Variants in CSMD1 observed in about 807,000 individuals in gnomAD.
CSMD1 encodes CUB and Sushi multiple domains 1.
In CSMD1, 213 loss-of-function variants were observed where a neutral mutation model predicts 417.5. That is an observed-to-expected ratio of 0.51 (90% CI 0.46 to 0.57). CSMD1 has a LOEUF of 0.57. CSMD1 is among the 20% of genes least tolerant of loss of function. The probability of loss-of-function intolerance (pLI) is 0.00; values close to 1 mark genes in which losing one functional copy is unlikely to be tolerated. For missense variants in CSMD1, 6,923 were observed against 4,529.7 expected (o/e 1.53, Z -15.17); for synonymous variants, 2,862 against 1,736.8 (o/e 1.65, Z -16.11).
intron 2 of CSMD1, among the ~76,000 whole-genome samples, chr8:4,442,923 G>A (rs777744330): frequency 9.2e-5 from 14 of 152,078 alleles, no homozygotes; most frequent in Non-Finnish European, 1.3e-4. Flanking sequence ...AAACATAAAT[G>A]ATATTTGTCC....
chr8:3,975,477 G>C (rs906571448), intron 5 of CSMD1, among the ~76,000 whole-genome samples: 29 of 152,070 alleles, frequency 1.9e-4, no homozygotes, highest in South Asian at 2.1e-4. Flanking sequence ...TCACAGTGGA[G>C]TGACACTGTC....
chr8:4,721,424 C>T (rs538264576), intron 1 of CSMD1, among the ~76,000 whole-genome samples: 3 of 152,258 alleles, frequency 2.0e-5, no homozygotes, highest in East Asian at 3.9e-4. Context: ...TACTACAAAT[C>T]AGATTCTGAA....
At chr8:4,360,007 T>C (rs1801659965) in intron 3 of CSMD1, among the ~76,000 whole-genome samples, 1 of 152,224 alleles carries the variant, frequency 6.6e-6, no homozygotes, top group African/African-American at 2.4e-5. Context: ...ATCCCAGTTG[T>C]GGAGTTCCAG....
intron 1 of CSMD1, among the ~76,000 whole-genome samples, chr8:4,654,664 G>A (rs1301604801): frequency 6.6e-6 from 1 of 152,064 alleles, no homozygotes; most frequent in Admixed American, 6.5e-5. Flanking sequence ...ATAAGTTTTG[G>A]ATTTGTTGGG....
intron 57 of CSMD1, among the ~76,000 whole-genome samples, chr8:2,968,642 T>C (rs993688322): frequency 6.6e-6 from 1 of 152,128 alleles, no homozygotes; most frequent in Non-Finnish European, 1.5e-5. Flanking sequence ...TGAAAATGAC[T>C]AGAAGGCAAT....
intron 2 of CSMD1, among the ~76,000 whole-genome samples, chr8:4,618,203 C>A (rs1481248658): frequency 2.6e-5 from 4 of 152,084 alleles, no homozygotes; most frequent in African/African-American, 9.7e-5. Context: ...AACAATTTCC[C>A]CCATCTGGAA....
At chr8:3,596,934 C>T (rs1419588544) in intron 8 of CSMD1, among the ~76,000 whole-genome samples, 2 of 152,182 alleles carry the variant, frequency 1.3e-5, no homozygotes. Context: ...TTTCCAAGTG[C>T]CCCTCTTAGC....
intron 7 of CSMD1, among the ~76,000 whole-genome samples, chr8:3,647,437 C>T (rs991734357): frequency 5.9e-5 from 9 of 151,966 alleles, no homozygotes; most frequent in African/African-American, 1.9e-4. Flanking sequence ...AAGAGAAATA[C>T]AGTACATAGA....
chr8:4,880,196 A>G (rs1051208370), intron 1 of CSMD1, among the ~76,000 whole-genome samples: 75 of 152,108 alleles, frequency 4.9e-4, no homozygotes, highest in African/African-American at 1.7e-3. Context: ...GGAGAGAGTT[A>G]AGGGAAGAAC....
At chr8:4,691,652 T>C (rs549831339) in intron 1 of CSMD1, among the ~76,000 whole-genome samples, 1 of 152,330 alleles carries the variant, frequency 6.6e-6, no homozygotes, top group South Asian at 2.1e-4. Flanking sequence ...ATGTCTGCCT[T>C]GATGGAGTGA....
At position 4,637,452 on chromosome 8, in the gene CSMD1, C is replaced by A; in HGVS notation, c.192G>T (p.Thr64=). 1 of 1,613,762 alleles carries A rather than the reference C, an allele frequency of 6.2e-7. No individual in the cohort carries two copies. Among genetic ancestry groups the A allele is most frequent in the Non-Finnish European group, 8.5e-7 (1 of 1,179,856 alleles). The change falls in exon 2 of 70, where the codon ACG becomes ACT. Residue 64 remains threonine, a synonymous_variant. Coordinates refer to ENST00000635120, the MANE Select transcript of CSMD1 (RefSeq NM_033225.6). The stretch of plus-strand genomic sequence containing the variant: ...ACAACTGTATCCTATTGCGCTCGCC[C>A]GTGATGATGATCCAGGTGCAGTTGG... ...NYANCTWIII[T]GERNRIQLSF... is the part of the protein sequence containing the mutation.
Position 4,946,809 on chromosome 8 carries a change from C to T in CSMD1, c.85+47523G>A, listed in dbSNP as rs180998855. ...CAGGGAAATAAATTAGACTGTGATT[C>T]TATTTAAATAAAACATGCCTCCAAT... On this transcript the variant is annotated intron_variant, in intron 1 of 69. Coordinates refer to ENST00000635120, the MANE Select transcript of CSMD1 (RefSeq NM_033225.6). 3.3e-3 allele frequency among the ~76,000 whole-genome samples: 510 copies of T among 152,242 alleles called. 4 individuals are homozygous for T. Among genetic ancestry groups the T allele is most frequent in the Middle Eastern group, 0.01 (3 of 294 alleles).
At chr8:3,809,203 C>T (rs950275846) in intron 5 of CSMD1, among the ~76,000 whole-genome samples, 1 of 152,152 alleles carries the variant, frequency 6.6e-6, no homozygotes, top group Non-Finnish European at 1.5e-5. Context: ...AACTTCTCAC[C>T]CATCAGGTCT....
intron 10 of CSMD1, among the ~76,000 whole-genome samples, chr8:3,524,366 C>T (rs1342205096): frequency 6.6e-6 from 1 of 151,708 alleles, no homozygotes; most frequent in East Asian, 1.9e-4. Context: ...CAGGCGCACA[C>T]AAGTGCACAC....
At chr8:3,971,378 G>T (rs927722343) in intron 5 of CSMD1, among the ~76,000 whole-genome samples, 2 of 152,028 alleles carry the variant, frequency 1.3e-5, no homozygotes, top group African/African-American at 4.8e-5. Context: ...TATAAATGAC[G>T]ACTGTCCCTA....
At chr8:3,945,563 A>T (rs983498823) in intron 5 of CSMD1, among the ~76,000 whole-genome samples, 5 of 152,062 alleles carry the variant, frequency 3.3e-5, no homozygotes, top group African/African-American at 1.2e-4. Context: ...AGACAAGTTT[A>T]AAAAAATCTC....
chr8:3,190,796 T>A (rs950218327), intron 33 of CSMD1, among the ~76,000 whole-genome samples: 1 of 152,242 alleles, frequency 6.6e-6, no homozygotes, highest in African/African-American at 2.4e-5. Flanking sequence ...GAAGAAATTC[T>A]GCTATTTGTA....
At position 4,017,284 on chromosome 8, in the gene CSMD1, T is replaced by C. The variant is rs1796569535; in HGVS notation, c.610+14621A>G. 2.6e-5 allele frequency among the ~76,000 whole-genome samples: 4 copies of C among 152,314 alleles called. No individual in the cohort carries two copies. The South Asian group carries it at 8.3e-4, about 32-fold the overall frequency. ...CAATTCATCTTCTCATCATTTCTAATATCAAATGCCACATAATTTCTTTCT... is the reference window on the plus strand; with the variant it reads ...CAATTCATCTTCTCATCATTTCTAACATCAAATGCCACATAATTTCTTTCT... On this transcript the variant is annotated intron_variant, in intron 4 of 69. Transcript: ENST00000635120.
chr8:3,417,451 AT>A (rs1425394009), intron 12 of CSMD1, among the ~76,000 whole-genome samples: 6 of 152,196 alleles, frequency 3.9e-5, no homozygotes, highest in African/African-American at 7.2e-5. Context: ...TATGAAAGCA[AT>A]GTTGTCTAGC....
Sources: gnomAD v4.1 joint callset for allele counts (sites outside exome capture counted in the v4.1 genomes callset) on GRCh38, gnomAD v4.1.1 for gene constraint, MANE v1.5 for transcripts, NCBI Gene and HGNC (gene_info 2026-07-23, HGNC 2026-07-21) for gene names.